Variants in DNAH2 observed in about 807,000 individuals in gnomAD.
The protein encoded by DNAH2 is dynein axonemal heavy chain 2.
DNAH2 carries 323 observed loss-of-function variants against 523.5 expected under a neutral mutation model. That is an observed-to-expected ratio of 0.62 (90% CI 0.56 to 0.68). The LOEUF (loss-of-function observed/expected upper bound fraction) is 0.68, where lower values mean the gene tolerates loss of function less well. Among genes scored for constraint, DNAH2 ranks in the 30% least tolerant of loss-of-function variants. The pLI, the probability that DNAH2 is intolerant of heterozygous loss-of-function variation, is 0.00. For missense variants in DNAH2, 4,907 were observed against 5,701.5 expected (o/e 0.86, Z 4.49); for synonymous variants, 2,093 against 2,177.4 (o/e 0.96, Z 1.08).
intron 60 of DNAH2, 48 bp downstream of exon 60, chr17:7,805,122 G>C: frequency 1.9e-6 from 3 of 1,602,190 alleles, no homozygotes; most frequent in Non-Finnish European, 2.6e-6. Context: ...CGAGGCCCCG[G>C]GGAAGGGAAT....
Position 7,757,196 on chromosome 17 carries a change from T to C in DNAH2, c.2010T>C (p.Ile670=). The change falls in exon 13 of 86, where the codon ATT becomes ATC. Residue 670 remains isoleucine (I), a synonymous_variant. Coordinates refer to ENST00000572933, the MANE Select transcript of DNAH2 (RefSeq NM_020877.5). ...CTGAGCGAGCCGAGGACCTGCGCAT[T>C]CTGCGTGAAAATCTGCTACTCGTTG... is the stretch of plus-strand genomic sequence containing the variant. ...NVAERAEDLR[I]LRENLLLVAR... is the part of the protein sequence containing the mutation. The C allele has an allele frequency of 6.2e-7, 1 of 1,614,196 alleles. No individual in the cohort carries two copies. The highest frequency in any genetic ancestry group is 1.1e-5 in the South Asian group (1 of 91,084).
In DNAH2 at chr17:7,737,248, T is replaced by G; in HGVS notation, c.1160T>G (p.Leu387Arg). ...HYNTRERLTSLFRKVCDCQYH... is the reference protein window; with the variant it reads ...HYNTRERLTSRFRKVCDCQYH... Reference sequence around the variant, plus strand: ...AACACTCGGGAGAGACTGACCTCGCTCTTCCGAAAGGTGTGCATATGCTGA... The same window carrying G: ...AACACTCGGGAGAGACTGACCTCGCGCTTCCGAAAGGTGTGCATATGCTGA... The change falls in exon 8 of 86, where the codon CTC becomes CGC. Residue 387 changes from leucine to arginine, a missense_variant. Coordinates refer to ENST00000572933, the MANE Select transcript of DNAH2 (RefSeq NM_020877.5). 1 of 1,613,978 alleles carries G rather than the reference T, an allele frequency of 6.2e-7. No homozygotes were observed. Among genetic ancestry groups the G allele is most frequent in the Non-Finnish European group, 8.5e-7 (1 of 1,179,908 alleles).
intron 24 of DNAH2, 133 bp from the exon 25 acceptor site, chr17:7,770,119 T>C: frequency 8.1e-7 from 1 of 1,237,300 alleles, no homozygotes; most frequent in Admixed American, 2.9e-5. Flanking sequence ...TAAGATTGCA[T>C]CTTCGAGCCT....
intron 8 of DNAH2, 120 bp from the exon 9 acceptor site, chr17:7,739,613 T>C (rs2075246902): frequency 1.1e-6 from 1 of 937,908 alleles, no homozygotes; most frequent in East Asian, 2.6e-5. Context: ...TCTTCTTTTT[T>C]TTTTTTTCAC....
In DNAH2 at chr17:7,831,795, G is replaced by T; in HGVS notation, c.12726+20G>T. 6.2e-7 allele frequency: 1 copy of T among 1,602,248 alleles called. No homozygotes were observed. Among genetic ancestry groups the T allele is most frequent in the South Asian group, 1.1e-5 (1 of 90,328 alleles). Reference sequence around the variant, plus strand: ...GGAAAGGCAAGATTATACCATTGTTGATCCTTCTCCAACAATGAGCTCCCC... The same window carrying T: ...GGAAAGGCAAGATTATACCATTGTTTATCCTTCTCCAACAATGAGCTCCCC... On this transcript the variant is annotated intron_variant, in intron 82 of 85. Transcript: ENST00000572933. This position sits in a 1 kb window ranked among gnomAD's most constrained non-coding sequence, Gnocchi z 4.2.
In DNAH2 at chr17:7,832,223, T is replaced by G. The variant is rs2078196478; in HGVS notation, c.12727-356T>G. On this transcript the variant is annotated intron_variant, in intron 82 of 85. Transcript: ENST00000572933. This position sits in a 1 kb window ranked among gnomAD's most constrained non-coding sequence, Gnocchi z 4.3. ...TGCTTCAGGTGCTCAAAATAAGGATTTGGGCTGGACGCGGTGGCTCATGCC... is the reference window on the plus strand; with the variant it reads ...TGCTTCAGGTGCTCAAAATAAGGATGTGGGCTGGACGCGGTGGCTCATGCC... 6.6e-6 allele frequency among the ~76,000 whole-genome samples: 1 copy of G among 152,066 alleles called. No individual in the cohort carries two copies. Among genetic ancestry groups the G allele is most frequent in the Non-Finnish European group, 1.5e-5 (1 of 68,012 alleles).
intron 56 of DNAH2, among the ~76,000 whole-genome samples, chr17:7,799,653 A>G (rs2077168492): frequency 6.6e-6 from 1 of 152,138 alleles, no homozygotes; most frequent in Non-Finnish European, 1.5e-5. Flanking sequence ...CGTCTCTACT[A>G]AAAATACAAA....
chr17:7,732,706 C>A (rs986534402), intron 4 of DNAH2, among the ~76,000 whole-genome samples: 1 of 152,112 alleles, frequency 6.6e-6, no homozygotes, highest in Non-Finnish European at 1.5e-5. Context: ...TTGTCTCTTC[C>A]TTCCAGTCCT....
In DNAH2 at chr17:7,804,479, C is replaced by T. The variant is rs375992204; in HGVS notation, c.9183+13C>T. 3.5e-5 allele frequency: 56 copies of T among 1,611,410 alleles called. No individual in the cohort carries two copies. In the African/African-American group the frequency reaches 5.1e-4, roughly 15 times the overall value. ...TGAGCAGCAGAAGGTCCAGGGCCCA[C>T]GCCCACCCCCCGTGCCCCACTCCCA... On this transcript the variant is annotated intron_variant, in intron 59 of 85. Transcript: ENST00000572933.
chr17:7,793,691 C>G (rs1325404174), intron 48 of DNAH2, among the ~76,000 whole-genome samples: 1 of 151,912 alleles, frequency 6.6e-6, no homozygotes, highest in Non-Finnish European at 1.5e-5. Flanking sequence ...TTTTGAACTC[C>G]TGGGCTCAAG....
chr17:7,821,444 C>A lies in DNAH2; in HGVS notation c.11142+75C>A. 6.6e-7 allele frequency: 1 copy of A among 1,523,278 alleles called. No homozygotes were observed. The highest frequency in any genetic ancestry group is 8.9e-7 in the Non-Finnish European group (1 of 1,129,064). The allele number at this position is 1,523,278 out of a possible 1,614,324, so 94.4% of individuals were successfully genotyped here. The stretch of plus-strand genomic sequence containing the variant: ...ATGAGGGCAAGTGTGACAAGGACTC[C>A]AGACCCAGAGGGTCAGGCCCACAGC... On this transcript the variant is annotated intron_variant, in intron 73 of 85. Coordinates refer to ENST00000572933, the MANE Select transcript of DNAH2 (RefSeq NM_020877.5). This position sits in a 1 kb window ranked among gnomAD's most constrained non-coding sequence, Gnocchi z 5.0.
Position 7,786,388 on chromosome 17 carries a change from T to C in DNAH2, c.6348+46T>C, listed in dbSNP as rs950763274. ...AGTCAGTGGGCAGAGACTTGAGTAGTAAGAAGACAATGGAGGGTGGGGGCC... is the reference window on the plus strand; with the variant it reads ...AGTCAGTGGGCAGAGACTTGAGTAGCAAGAAGACAATGGAGGGTGGGGGCC... On this transcript the variant is annotated intron_variant, in intron 40 of 85. Coordinates refer to ENST00000572933, the MANE Select transcript of DNAH2 (RefSeq NM_020877.5). The surrounding 1 kb of genome is among the most constrained non-coding windows in gnomAD (Gnocchi z 7.5). 1.9e-6 allele frequency: 3 copies of C among 1,587,184 alleles called. No individual in the cohort carries two copies. The highest frequency in any genetic ancestry group is 2.6e-6 in the Non-Finnish European group (3 of 1,168,010).
At chr17:7,825,172 C>T (rs141404467) in intron 77 of DNAH2, among the ~76,000 whole-genome samples, 9 of 152,304 alleles carry the variant, frequency 5.9e-5, no homozygotes, top group Non-Finnish European at 1.0e-4. Context: ...ACACTTCCTG[C>T]CTCTTTGCCT....
rs1400657841 is a variant in DNAH2, at chr17:7,831,090, T to G, written c.12235T>G (p.Ser4079Ala). The part of the protein sequence containing the change: ...QSLSTPFHRL[S>A]ALETYFIPKD... ...AATTATGCTATGACTCCCTAGGTTGTCAGCACTGGAGACTTATTTCATCCC... is the reference window on the plus strand; with the variant it reads ...AATTATGCTATGACTCCCTAGGTTGGCAGCACTGGAGACTTATTTCATCCC... Residue 4079 changes from serine to alanine, a missense_variant, in exon 80 of 86, where the codon TCA becomes GCA. Around this residue, in one of 3 missense-constraint regions of DNAH2, gnomAD observed 1,851 missense variants for 2,139.4 expected, o/e 0.87. Coordinates refer to ENST00000572933, the MANE Select transcript of DNAH2 (RefSeq NM_020877.5). This position sits in a 1 kb window ranked among gnomAD's most constrained non-coding sequence, Gnocchi z 4.2. The G allele has an allele frequency of 6.2e-7, 1 of 1,612,948 alleles. No individual in the cohort carries two copies.
At chr17:7,769,803 T>G (rs2076266720) in intron 24 of DNAH2, among the ~76,000 whole-genome samples, 1 of 152,234 alleles carries the variant, frequency 6.6e-6, no homozygotes, top group Non-Finnish European at 1.5e-5. Context: ...TATAACGTTT[T>G]TGGCAATGCC....
intron 28 of DNAH2, among the ~76,000 whole-genome samples, chr17:7,774,227 A>G (rs2076390779): frequency 6.6e-6 from 1 of 152,198 alleles, no homozygotes; most frequent in South Asian, 2.1e-4. Context: ...CACTGCTGTG[A>G]TGTCGCAACA....
intron 29 of DNAH2, 82 bp downstream of exon 29, chr17:7,775,058 C>T: frequency 7.0e-7 from 1 of 1,422,466 alleles, no homozygotes; most frequent in South Asian, 1.2e-5. Flanking sequence ...GGGACCCTGC[C>T]CTCCCAAAAG....
Position 7,759,069 on chromosome 17 carries a change from A to G in DNAH2, c.2393A>G (p.Asp798Gly). The part of the protein sequence containing the change: ...VQQKLMNLHQ[D>G]VVTIMTNSYE... ...CAGAAATTGATGAACCTGCACCAGG[A>G]TGTGGTGACCATCATGACCAACTCC... Residue 798 changes from aspartate (D) to glycine (G), a missense_variant, in exon 15 of 86, where the codon GAT becomes GGT. Physicochemically the swap from Asp to Gly is moderately conservative, Grantham distance 94. Transcript: ENST00000572933. 1 of 1,614,170 alleles carries G rather than the reference A, an allele frequency of 6.2e-7. No homozygotes were observed. Among genetic ancestry groups the G allele is most frequent in the Non-Finnish European group, 8.5e-7 (1 of 1,180,038 alleles).
At chr17:7,722,570 G>A (rs12451505) in intron 2 of DNAH2, among the ~76,000 whole-genome samples, 89 of 151,804 alleles carry the variant, frequency 5.9e-4, no homozygotes, top group Admixed American at 5.3e-3. Flanking sequence ...CCCTTCCCCC[G>A]CAGATCCCAG....
Sources: allele counts gnomAD v4.1 joint callset (sites outside exome capture counted in the v4.1 genomes callset), GRCh38; gene constraint gnomAD v4.1.1; regional missense constraint gnomAD v4.1.1; non-coding constraint Gnocchi (gnomAD v3.1); transcripts MANE v1.5; gene names NCBI Gene and HGNC (gene_info 2026-07-23, HGNC 2026-07-21).